DARS1: variants seen among roughly 807,000 people sequenced by gnomAD.
The protein encoded by DARS1 is aspartate--tRNA ligase, cytoplasmic.
Under a neutral mutation model 68.8 loss-of-function variants are expected in DARS1, and 51 were observed. The ratio of observed to expected loss-of-function variants is 0.74; its 90% CI spans 0.59 to 0.94. The LOEUF is 0.94. Among genes scored for constraint, DARS1 ranks in the 40% least tolerant of loss-of-function variants. The pLI is 0.00. For missense variants in DARS1, 607 were observed against 597.3 expected (o/e 1.02, Z -0.17); for synonymous variants, 203 against 190.4 (o/e 1.07, Z -0.55).
At chr2:135,932,335 A>G (rs1482524940) in intron 7 of DARS1, among the ~76,000 whole-genome samples, 3 of 152,196 alleles carry the variant, frequency 2.0e-5, no homozygotes, top group Non-Finnish European at 4.4e-5. Flanking sequence ...AAACCACCAG[A>G]GCCAACTGCT....
At chr2:135,982,574 C>A (rs149666855) in intron 2 of DARS1, among the ~76,000 whole-genome samples, 1 of 148,766 alleles carries the variant, frequency 6.7e-6, no homozygotes, top group South Asian at 2.1e-4. Flanking sequence ...CCAGCCTGGG[C>A]GACAGAGCGA....
At chr2:135,976,375 G>A (rs1209165879) in intron 3 of DARS1, among the ~76,000 whole-genome samples, 3 of 151,962 alleles carry the variant, frequency 2.0e-5, no homozygotes, top group East Asian at 1.9e-4. Flanking sequence ...ATTTTTTTGA[G>A]ATAGAATAAC....
At chr2:135,939,018 T>G (rs1218313852) in intron 5 of DARS1, among the ~76,000 whole-genome samples, 1 of 152,164 alleles carries the variant, frequency 6.6e-6, no homozygotes, top group Non-Finnish European at 1.5e-5. Flanking sequence ...AAGCAAGTCC[T>G]TAGAGACCTA....
intron 4 of DARS1, among the ~76,000 whole-genome samples, chr2:135,959,470 TAATAA>T (rs925106351): frequency 7.0e-6 from 1 of 143,630 alleles, no homozygotes; most frequent in African/African-American, 2.6e-5. Flanking sequence ...TGAAAGCCTT[TAATAA>T]AATAATGATA....
intron 7 of DARS1, among the ~76,000 whole-genome samples, chr2:135,929,596 C>T (rs185747379): frequency 3.3e-5 from 5 of 152,270 alleles, no homozygotes; most frequent in African/African-American, 4.8e-5. Flanking sequence ...GAAAACACTG[C>T]AAAACCACTG....
At chr2:135,970,938 A>G (rs1682355605) in intron 3 of DARS1, among the ~76,000 whole-genome samples, 1 of 152,198 alleles carries the variant, frequency 6.6e-6, no homozygotes, top group African/African-American at 2.4e-5. Flanking sequence ...ACAAACAACA[A>G]GATTAAAGCC....
intron 3 of DARS1, among the ~76,000 whole-genome samples, chr2:135,976,541 T>G (rs1007386325): frequency 2.0e-5 from 3 of 152,154 alleles, no homozygotes; most frequent in African/African-American, 7.2e-5. Context: ...TCCTTACACC[T>G]TGCAATTTGT....
At position 135,906,242 on chromosome 2, in the gene DARS1, G is replaced by A. The variant is rs1680777284; in HGVS notation, c.*1074C>T. On this transcript the variant is annotated 3_prime_UTR_variant, in exon 16 of 16. Transcript: ENST00000264161. ...TTTCTGCATGTAATTTTTTCTTCCT[G>A]TACAAAAATATGTTATGTTTTGTTC... Among the ~76,000 whole-genome samples the A allele has an allele frequency of 6.6e-6, 1 of 151,890 alleles. No individual in the cohort carries two copies. The highest frequency in any genetic ancestry group is 1.5e-5 in the Non-Finnish European group (1 of 67,984).
intron 4 of DARS1, among the ~76,000 whole-genome samples, chr2:135,950,807 G>C (rs1681823878): frequency 6.6e-6 from 1 of 152,200 alleles, no homozygotes; most frequent in South Asian, 2.1e-4. Flanking sequence ...GTCATGCCAT[G>C]AACACACAGG....
intron 3 of DARS1, among the ~76,000 whole-genome samples, chr2:135,972,648 A>G (rs1426843696): frequency 2.0e-5 from 3 of 152,200 alleles, no homozygotes; most frequent in East Asian, 1.9e-4. Flanking sequence ...AACCCACAGA[A>G]TGGGACAAAG....
At chr2:135,974,077 GTTTTTAAAAGTCCT>G (rs1682446008) in intron 3 of DARS1, among the ~76,000 whole-genome samples, 4 of 152,106 alleles carry the variant, frequency 2.6e-5, no homozygotes, top group Admixed American at 2.6e-4. Flanking sequence ...CCACACAAAA[GTTTTTAAAAGTCCT>G]TTTTTAAAAG....
At chr2:135,913,051 CTT>C (rs34764820) in intron 12 of DARS1, among the ~76,000 whole-genome samples, 18 of 143,452 alleles carry the variant, frequency 1.3e-4, no homozygotes, top group East Asian at 2.0e-4. Context: ...CATTTTTTTC[CTT>C]TTTTTTTTTT....
chr2:135,914,465 C>T lies in DARS1; in HGVS notation c.1149+4G>A. 7.6e-7 allele frequency: 1 copy of T among 1,315,932 alleles called. No homozygotes were observed. The highest frequency in any genetic ancestry group is 1.8e-4 in the Middle Eastern group (1 of 5,494). 81.5% of individuals were successfully genotyped at this position (1,315,932 alleles called of 1,614,324 possible). On this transcript the variant is annotated splice_donor_region_variant and intron_variant, in intron 12 of 15. Coordinates refer to ENST00000264161, the MANE Select transcript of DARS1 (RefSeq NM_001349.4). Reference sequence around the variant, plus strand: ...AAAGAAATCCAGCATATAAAGAGTCCTACCTTTTCCTTTACCAAATGACCC... The same window carrying T: ...AAAGAAATCCAGCATATAAAGAGTCTTACCTTTTCCTTTACCAAATGACCC...
chr2:135,948,000 ATT>A (rs540288458), intron 4 of DARS1, among the ~76,000 whole-genome samples: 10 of 152,318 alleles, frequency 6.6e-5, no homozygotes, highest in African/African-American at 9.6e-5. Context: ...ATAATTTCAT[ATT>A]GTTTTATACA....
intron 2 of DARS1, among the ~76,000 whole-genome samples, chr2:135,980,077 A>T (rs309114): frequency 0.023 from 3,468 of 152,316 alleles, 112 homozygotes; most frequent in African/African-American, 0.078. Context: ...AAAGGCCTGT[A>T]GATGCTTCCT....
intron 7 of DARS1, among the ~76,000 whole-genome samples, chr2:135,929,884 C>G (rs967354233): frequency 1.3e-5 from 2 of 152,114 alleles, no homozygotes; most frequent in African/African-American, 4.8e-5. Flanking sequence ...GGAGGCTGCC[C>G]TGAGTGCTGT....
chr2:135,955,987 G>A (rs1010571644), intron 4 of DARS1, among the ~76,000 whole-genome samples: 27 of 152,198 alleles, frequency 1.8e-4, no homozygotes, highest in Admixed American at 1.8e-3. Context: ...GTAAGCATAA[G>A]CTTCATTTAT....
chr2:135,919,144 C>T (rs1384621934), intron 10 of DARS1, among the ~76,000 whole-genome samples: 1 of 152,168 alleles, frequency 6.6e-6, no homozygotes, highest in Non-Finnish European at 1.5e-5. Flanking sequence ...GATTCCCCTG[C>T]CTCAGCCTCC....
At chr2:135,980,247 T>C (rs934810596) in intron 2 of DARS1, among the ~76,000 whole-genome samples, 1 of 152,246 alleles carries the variant, frequency 6.6e-6, no homozygotes, top group Admixed American at 6.5e-5. Context: ...ACAACTGTTA[T>C]GTAAAGATGT....
Sources: gnomAD v4.1 joint callset for allele counts (sites outside exome capture counted in the v4.1 genomes callset) on GRCh38, gnomAD v4.1.1 for gene constraint, MANE v1.5 for transcripts, NCBI Gene and HGNC (gene_info 2026-07-23, HGNC 2026-07-21) for gene names.